The following ACOT12 variants were observed in gnomAD, a reference collection of about 807,000 sequenced individuals.
The protein encoded by ACOT12 is acetyl-coenzyme A thioesterase.
A neutral mutation model predicts 67.7 loss-of-function variants in ACOT12; 51 were observed. The observed-to-expected ratio is 0.75, with a 90% CI of 0.60 to 0.95. The LOEUF is 0.95. Among genes scored for constraint, ACOT12 ranks in the 40% least tolerant of loss-of-function variants. ACOT12 has a pLI of 0.00. For synonymous variants in ACOT12, 251 were observed against 244.6 expected, an observed-to-expected ratio of 1.03 and a Z score of -0.24; for missense variants, 734 against 708.1, an observed-to-expected ratio of 1.04 and a Z score of -0.41.
chr5:81,356,303 T>C (rs1580557939), intron 5 of ACOT12, among the ~76,000 whole-genome samples: 1 of 152,136 alleles, frequency 6.6e-6, no homozygotes, highest in African/African-American at 2.4e-5. Flanking sequence ...AGTTGACCAC[T>C]TACTATTTCT....
At chr5:81,350,473 G>T (rs1356635023) in intron 5 of ACOT12, among the ~76,000 whole-genome samples, 1 of 152,004 alleles carries the variant, frequency 6.6e-6, no homozygotes, top group Non-Finnish European at 1.5e-5. Flanking sequence ...ACTTTGTGGG[G>T]CCTGGTGTCA....
intron 5 of ACOT12, among the ~76,000 whole-genome samples, chr5:81,356,268 T>G (rs1561335502): frequency 1.3e-5 from 2 of 152,274 alleles, no homozygotes; most frequent in East Asian, 3.9e-4. Context: ...AGTAGACAGG[T>G]TTTATTCCTC....
chr5:81,343,588 C>T (rs373123064), intron 10 of ACOT12, among the ~76,000 whole-genome samples: 1 of 152,198 alleles, frequency 6.6e-6, no homozygotes, highest in East Asian at 1.9e-4. Context: ...GATGGCAGAG[C>T]ATCCTGAGTC....
Position 81,345,063 on chromosome 5 carries a change from G to A in ACOT12, c.774-22C>T, listed in dbSNP as rs375894849. 1.5e-4 allele frequency: 249 copies of A among 1,612,830 alleles called. 1 individual carries two copies. Among genetic ancestry groups the A allele is most frequent in the Non-Finnish European group, 1.9e-4 (224 of 1,179,512 alleles). On this transcript the variant is annotated intron_variant, in intron 7 of 14. Transcript: ENST00000307624. ...AACACTGTGAAGGGTGATGCAGGGC[G>A]GTGGGCAAAGAGGATCTTGACCCAT...
intron 1 of ACOT12, among the ~76,000 whole-genome samples, chr5:81,390,481 C>A (rs13186206): frequency 0.15 from 22,770 of 150,958 alleles, 2,502 homozygotes; most frequent in Admixed American, 0.21. Flanking sequence ...ACTGTCTTTT[C>A]AATCTTTTTC....
chr5:81,367,259 C>A (rs1760107855), intron 3 of ACOT12, among the ~76,000 whole-genome samples: 1 of 152,104 alleles, frequency 6.6e-6, no homozygotes, highest in Admixed American at 6.5e-5. Flanking sequence ...GAATAAAGAA[C>A]ACCAGAAATG....
chr5:81,383,897 A>G (rs1580595550), intron 2 of ACOT12, among the ~76,000 whole-genome samples: 2 of 152,074 alleles, frequency 1.3e-5, no homozygotes, highest in Admixed American at 1.3e-4. Context: ...ATAGAGTAAA[A>G]AAGTTACAAT....
chr5:81,311,276 T>C, the ACOT12 span: 171 of 1,614,050 alleles, frequency 1.1e-4, no homozygotes, highest in African/African-American at 2.0e-3. Flanking sequence ...AAGTCAGAAT[T>C]CAGGTGAGAT....
At chr5:81,358,007 CAAAAAA>C (rs777333534) in intron 5 of ACOT12, among the ~76,000 whole-genome samples, 43 of 71,054 alleles carry the variant, frequency 6.1e-4, no homozygotes, top group Admixed American at 2.6e-3. Flanking sequence ...CCCCATCTCA[CAAAAAA>C]AAAAAAAAAA....
intron 1 of ACOT12, among the ~76,000 whole-genome samples, chr5:81,393,095 T>G (rs902961675): frequency 1.3e-4 from 20 of 152,210 alleles, no homozygotes; most frequent in Non-Finnish European, 2.5e-4. Flanking sequence ...TTTTGCCATT[T>G]TTACTGTCAT....
intron 3 of ACOT12, among the ~76,000 whole-genome samples, chr5:81,368,090 A>G (rs994780696): frequency 6.6e-6 from 1 of 152,120 alleles, no homozygotes; most frequent in African/African-American, 2.4e-5. Flanking sequence ...TCAGGAGTTC[A>G]AGACCAGCCT....
At chr5:81,387,030 T>TA (rs1760746840) in intron 1 of ACOT12, among the ~76,000 whole-genome samples, 3 of 139,098 alleles carry the variant, frequency 2.2e-5, no homozygotes, top group South Asian at 2.3e-4. Flanking sequence ...TTTTTTCAGA[T>TA]AGAGTCTCAC....
the ACOT12 span, among the ~76,000 whole-genome samples, chr5:81,319,875 G>GTTTTAAGCTAA: frequency 2.8e-5 from 4 of 142,996 alleles, no homozygotes; most frequent in African/African-American, 1.0e-4. Flanking sequence ...TTTTAAGCTA[G>GTTTTAAGCTAA]GAAGTGACAT....
At chr5:81,310,291 T>A in the ACOT12 span, among the ~76,000 whole-genome samples, 1 of 152,156 alleles carries the variant, frequency 6.6e-6, no homozygotes, top group Non-Finnish European at 1.5e-5. Flanking sequence ...AGGGGCTTTC[T>A]GCGATTTGTT....
At chr5:81,369,362 C>T (rs913186931) in intron 3 of ACOT12, among the ~76,000 whole-genome samples, 1 of 152,184 alleles carries the variant, frequency 6.6e-6, no homozygotes, top group Non-Finnish European at 1.5e-5. Context: ...TCATTTATTT[C>T]TGCTCAGCAA....
At chr5:81,338,730 C>T (rs945677709) in intron 11 of ACOT12, among the ~76,000 whole-genome samples, 36 of 152,252 alleles carry the variant, frequency 2.4e-4, no homozygotes, top group African/African-American at 7.9e-4. Flanking sequence ...CTGGATCTTG[C>T]TAACATTTTA....
At chr5:81,387,430 A>G (rs144419218) in intron 1 of ACOT12, among the ~76,000 whole-genome samples, 2 of 152,290 alleles carry the variant, frequency 1.3e-5, no homozygotes, top group East Asian at 3.9e-4. Context: ...TACTTAATAA[A>G]CATTCATTCC....
Position 81,365,069 on chromosome 5 carries a change from G to A in ACOT12, c.259-1180C>T, listed in dbSNP as rs370794296. The stretch of plus-strand genomic sequence containing the variant: ...CTAGATTTCCCCCTGTGTGAAGAGC[G>A]CTGAAGCTTGGTCCTCAGGATTGCA... On this transcript the variant is annotated intron_variant, in intron 3 of 14. Coordinates refer to ENST00000307624, the MANE Select transcript of ACOT12 (RefSeq NM_130767.3). Among the ~76,000 whole-genome samples the A allele has an allele frequency of 5.9e-5, 9 of 152,290 alleles. No homozygotes were observed. In the South Asian group the frequency reaches 1.0e-3, roughly 18 times the overall value.
the ACOT12 span, among the ~76,000 whole-genome samples, chr5:81,317,966 T>A: frequency 6.8e-6 from 1 of 146,254 alleles, no homozygotes; most frequent in African/African-American, 2.5e-5. Context: ...CACTGCAACC[T>A]CCACCTCCCA....
Sources: gnomAD v4.1 joint callset for allele counts (sites outside exome capture counted in the v4.1 genomes callset) on GRCh38, gnomAD v4.1.1 for gene constraint, MANE v1.5 for transcripts, NCBI Gene and HGNC (gene_info 2026-07-23, HGNC 2026-07-21) for gene names.